Variants in RASEF observed in about 807,000 individuals in gnomAD.
RASEF encodes ras and EF-hand domain-containing protein.
A neutral mutation model predicts 90.1 loss-of-function variants in RASEF; 68 were observed. The observed-to-expected ratio is 0.75, with a 90% CI of 0.62 to 0.92. RASEF has a LOEUF of 0.92. Ranked by LOEUF, RASEF falls within the 40% of genes least tolerant of loss-of-function variation. The pLI is 0.00. For synonymous variants in RASEF, 331 were observed against 345.2 expected (o/e 0.96, Z 0.46); for missense variants, 949 against 937.2 (o/e 1.01, Z -0.16).
intron 12 of RASEF, 29 bp from the exon 13 acceptor site, chr9:82,998,475 C>T (rs1301531328): frequency 9.4e-6 from 13 of 1,387,886 alleles, no homozygotes; most frequent in Middle Eastern, 3.5e-4. Flanking sequence ...GTGGAGAGCA[C>T]GATGTAAATA....
chr9:83,198,904 C>A, the RASEF span, among the ~76,000 whole-genome samples: 2 of 152,008 alleles, frequency 1.3e-5, no homozygotes, highest in African/African-American at 4.8e-5. Context: ...AAATACAAAT[C>A]TTAAATATTT....
chr9:83,068,423 A>G, the RASEF span, among the ~76,000 whole-genome samples: 2 of 152,330 alleles, frequency 1.3e-5, no homozygotes, highest in Admixed American at 1.3e-4. Flanking sequence ...TGAAGAAGTG[A>G]GCTGCCATGT....
At chr9:83,119,363 GA>G in the RASEF span, among the ~76,000 whole-genome samples, 156 of 152,072 alleles carry the variant, frequency 1.0e-3, 2 homozygotes, top group African/African-American at 3.6e-3. Context: ...CTAAAAATTG[GA>G]TTTGTTTCAA....
chr9:83,190,581 G>C, the RASEF span, among the ~76,000 whole-genome samples: 2 of 152,136 alleles, frequency 1.3e-5, no homozygotes, highest in East Asian at 3.8e-4. Context: ...TGAAAGCTGT[G>C]CTTTTTATCT....
At chr9:83,092,003 C>CTTTTTTTTATTTTTTTTTTTTTTTTTT in the RASEF span, among the ~76,000 whole-genome samples, 1 of 35,920 alleles carries the variant, frequency 2.8e-5, no homozygotes, top group African/African-American at 9.3e-5. Flanking sequence ...TCTTTTATTT[C>CTTTTTTTTATTTTTTTTTTTTTTTTTT]TTTTTTTTTT....
the RASEF span, among the ~76,000 whole-genome samples, chr9:83,188,479 G>C: frequency 1.3e-5 from 2 of 152,196 alleles, no homozygotes; most frequent in African/African-American, 4.8e-5. Context: ...TTGCGCAACA[G>C]AAGGGAAAAT....
the RASEF span, among the ~76,000 whole-genome samples, chr9:83,164,174 T>C: frequency 4.6e-5 from 7 of 151,202 alleles, no homozygotes; most frequent in Admixed American, 1.3e-4. Context: ...GAAAATTGTA[T>C]ATGTCAGAAA....
At chr9:83,058,632 G>A (rs975345185) in intron 1 of RASEF, among the ~76,000 whole-genome samples, 12 of 152,170 alleles carry the variant, frequency 7.9e-5, no homozygotes, top group African/African-American at 2.9e-4. Flanking sequence ...ACCCAAGAAA[G>A]GGAAATGGAG....
the RASEF span, among the ~76,000 whole-genome samples, chr9:83,101,112 A>G: frequency 2.5e-3 from 383 of 152,304 alleles, 3 homozygotes; most frequent in African/African-American, 8.8e-3. Flanking sequence ...TGTGCATTTC[A>G]GTTCATTACT....
At chr9:83,119,024 T>A in the RASEF span, among the ~76,000 whole-genome samples, 3 of 132,258 alleles carry the variant, frequency 2.3e-5, no homozygotes, top group Admixed American at 7.7e-5. Flanking sequence ...TTTTTTTTTT[T>A]AAAGATGGAG....
the RASEF span, among the ~76,000 whole-genome samples, chr9:83,110,860 C>A: frequency 0.09 from 13,706 of 151,950 alleles, 710 homozygotes; most frequent in African/African-American, 0.14. Flanking sequence ...AAGAAAAAAC[C>A]AATCCCCACT....
chr9:83,073,093 G>T, the RASEF span, among the ~76,000 whole-genome samples: 1 of 152,104 alleles, frequency 6.6e-6, no homozygotes, highest in African/African-American at 2.4e-5. Flanking sequence ...TGTAGCAGAT[G>T]CTGTTTTGCT....
the RASEF span, among the ~76,000 whole-genome samples, chr9:83,092,740 G>A: frequency 1.3e-5 from 2 of 152,254 alleles, no homozygotes; most frequent in African/African-American, 2.4e-5. Flanking sequence ...CCCCACCCAC[G>A]TCCTGCTGAT....
At chr9:83,148,191 T>C in the RASEF span, among the ~76,000 whole-genome samples, 2 of 152,136 alleles carry the variant, frequency 1.3e-5, no homozygotes, top group African/African-American at 2.4e-5. Context: ...ACTTTCTATG[T>C]TCAGAAAATC....
At chr9:83,166,999 T>A in the RASEF span, among the ~76,000 whole-genome samples, 1 of 152,200 alleles carries the variant, frequency 6.6e-6, no homozygotes, top group Non-Finnish European at 1.5e-5. Context: ...CTCTTTGAGG[T>A]GCAAATCCTA....
chr9:82,989,442 T>C (rs1587475920), intron 16 of RASEF, among the ~76,000 whole-genome samples: 1 of 152,160 alleles, frequency 6.6e-6, no homozygotes, highest in South Asian at 2.1e-4. Flanking sequence ...TTTTCCTTCC[T>C]GGATCCAGCA....
At chr9:83,102,366 A>C in the RASEF span, among the ~76,000 whole-genome samples, 1 of 152,210 alleles carries the variant, frequency 6.6e-6, no homozygotes, top group Non-Finnish European at 1.5e-5. Context: ...GTATAAGAGC[A>C]GAAACAAAAA....
chr9:83,072,019 G>A, the RASEF span, among the ~76,000 whole-genome samples: 1 of 152,186 alleles, frequency 6.6e-6, no homozygotes, highest in African/African-American at 2.4e-5. Flanking sequence ...CTCGATGCAG[G>A]AGGAGGAGTT....
intron 1 of RASEF, among the ~76,000 whole-genome samples, chr9:83,037,912 A>G (rs532278213): frequency 1.3e-5 from 2 of 152,218 alleles, no homozygotes; most frequent in African/African-American, 4.8e-5. Flanking sequence ...GTAAGCCTGA[A>G]AACAGGAAGA....
Sources: allele counts gnomAD v4.1 joint callset (sites outside exome capture counted in the v4.1 genomes callset), GRCh38; gene constraint gnomAD v4.1.1; transcripts MANE v1.5; gene names NCBI Gene and HGNC (gene_info 2026-07-23, HGNC 2026-07-21).